Variants in SP100 observed in about 807,000 individuals in gnomAD.
SP100 encodes the protein SP100 nuclear body protein.
SP100 carries 84 observed loss-of-function variants against 130.0 expected under a neutral mutation model. The ratio of observed to expected loss-of-function variants is 0.65; its 90% CI spans 0.54 to 0.77. The LOEUF (loss-of-function observed/expected upper bound fraction) is 0.77. Among genes scored for constraint, SP100 ranks in the 30% least tolerant of loss-of-function variants. SP100 has a pLI of 0.00. For missense variants in SP100, 978 were observed against 1,052.2 expected, an observed-to-expected ratio of 0.93 and a Z score of 0.97; for synonymous variants, 331 against 351.7, an observed-to-expected ratio of 0.94 and a Z score of 0.66.
In SP100 at chr2:230,512,673, G is replaced by A. The variant is rs116928618; in HGVS notation, c.2094+1507G>A. ...GTGGAAGACAGTTTTTCCACAGACC[G>A]GGATGGGGTTGGGGGCAGGATGATT... On this transcript the variant is annotated intron_variant, in intron 24 of 28. Transcript: ENST00000340126. Among the ~76,000 whole-genome samples the A allele has an allele frequency of 1.7e-3, 253 of 152,226 alleles. 7 individuals are homozygous for A. The East Asian group carries it at 0.045, about 27-fold the overall frequency.
intron 19 of SP100, among the ~76,000 whole-genome samples, chr2:230,500,046 G>A (rs2066929911): frequency 2.0e-5 from 3 of 152,134 alleles, no homozygotes; most frequent in African/African-American, 7.2e-5. Flanking sequence ...ATTCTTGGAT[G>A]TTGAGGCTTC....
intron 2 of SP100, among the ~76,000 whole-genome samples, chr2:230,421,876 G>A (rs1403060925): frequency 1.3e-5 from 2 of 152,036 alleles, no homozygotes; most frequent in Non-Finnish European, 2.9e-5. Flanking sequence ...CCTTTCAAAT[G>A]GACAACTTTA....
intron 2 of SP100, among the ~76,000 whole-genome samples, chr2:230,437,421 C>A (rs1157690773): frequency 6.6e-6 from 1 of 152,050 alleles, no homozygotes; most frequent in African/African-American, 2.4e-5. Context: ...AATTTATTTT[C>A]TATATGAAGT....
At chr2:230,539,492 T>C (rs893247413) in intron 25 of SP100, 110 bp downstream of exon 25, 10 of 709,434 alleles carry the variant, frequency 1.4e-5, no homozygotes, top group African/African-American at 8.8e-5. Context: ...TGTTTCTTGA[T>C]GCATAAGGAG....
intron 2 of SP100, among the ~76,000 whole-genome samples, chr2:230,424,653 A>C (rs933042080): frequency 7.1e-6 from 1 of 141,162 alleles, no homozygotes; most frequent in African/African-American, 2.7e-5. Flanking sequence ...TGGGCAACAG[A>C]GTGAGACTCC....
At chr2:230,532,636 G>A (rs1023113928) in intron 24 of SP100, among the ~76,000 whole-genome samples, 3 of 152,046 alleles carry the variant, frequency 2.0e-5, no homozygotes, top group Non-Finnish European at 4.4e-5. Context: ...ATCCACAAGT[G>A]TTTCACTGGT....
chr2:230,481,448 C>T (rs765700928), intron 17 of SP100, among the ~76,000 whole-genome samples: 1 of 152,156 alleles, frequency 6.6e-6, no homozygotes, highest in South Asian at 2.1e-4. Flanking sequence ...GCTAACCCCT[C>T]GCACTCTCTC....
intron 19 of SP100, among the ~76,000 whole-genome samples, chr2:230,500,405 G>A (rs1012321037): frequency 2.0e-5 from 3 of 152,186 alleles, no homozygotes; most frequent in Admixed American, 6.5e-5. Flanking sequence ...GGGAAGCAGC[G>A]CAATGAGCTT....
intron 11 of SP100, among the ~76,000 whole-genome samples, chr2:230,464,795 T>C (rs975723708): frequency 1.3e-5 from 2 of 152,120 alleles, no homozygotes; most frequent in Admixed American, 1.3e-4. Flanking sequence ...GCTAGTGGTG[T>C]TTAAGAGTCA....
chr2:230,432,778 C>A (rs1407078022), intron 2 of SP100, among the ~76,000 whole-genome samples: 3 of 152,008 alleles, frequency 2.0e-5, no homozygotes, highest in African/African-American at 7.2e-5. Context: ...ATATTTTCTC[C>A]CAGACTGTGA....
At position 230,540,976 on chromosome 2, in the gene SP100, A is replaced by T. The variant is rs778033946; in HGVS notation, c.2311A>T (p.Met771Leu). ...HQESEVLMRQ[M>L]LPEEQLKCEF... ...GGAATCTGAAGTCCTGATGAGGCAG[A>T]TGCTGCCTGAGGAGCAGTTGGTGAG... The change falls in exon 26 of 29, where the codon ATG becomes TTG. Residue 771 changes from methionine to leucine, a missense_variant. Met to Leu is a conservative substitution (Grantham distance 15). Transcript: ENST00000340126. The T allele has an allele frequency of 7.4e-6, 12 of 1,612,796 alleles. No individual in the cohort carries two copies. The highest frequency in any genetic ancestry group is 1.1e-5 in the South Asian group (1 of 90,960).
intron 17 of SP100, among the ~76,000 whole-genome samples, chr2:230,485,496 G>T (rs1186478569): frequency 6.6e-6 from 1 of 152,018 alleles, no homozygotes; most frequent in South Asian, 2.1e-4. Flanking sequence ...ATCCTTTTCT[G>T]TTTTCTACAC....
intron 17 of SP100, among the ~76,000 whole-genome samples, chr2:230,480,569 A>G (rs1203110406): frequency 6.6e-6 from 1 of 152,062 alleles, no homozygotes; most frequent in African/African-American, 2.4e-5. Flanking sequence ...CCCTAGGAGG[A>G]CTGTACAGAT....
In SP100 at chr2:230,418,701, C is replaced by T. The variant is rs150595507; in HGVS notation, c.107+1036C>T. Among the ~76,000 whole-genome samples the T allele has an allele frequency of 5.0e-3, 766 of 151,972 alleles. 6 individuals are homozygous for T. Among genetic ancestry groups the T allele is most frequent in the African/African-American group, 0.017 (685 of 41,408 alleles). On this transcript the variant is annotated intron_variant, in intron 2 of 28. Transcript: ENST00000340126. ...TTCTTATCAATTTTTCTGAGTTCAC[C>T]GTTGATTGATTAAATTATCCTTTTC...
intron 8 of SP100, among the ~76,000 whole-genome samples, chr2:230,457,020 A>G (rs2064308341): frequency 6.6e-6 from 1 of 152,186 alleles, no homozygotes; most frequent in African/African-American, 2.4e-5. Flanking sequence ...TACATTTGAG[A>G]AAGTAGAAAC....
intron 17 of SP100, among the ~76,000 whole-genome samples, chr2:230,481,058 T>TG (rs1157001615): frequency 1.5e-4 from 23 of 151,760 alleles, no homozygotes; most frequent in Admixed American, 5.2e-4. Context: ...GTGGTGGTGG[T>TG]GTTGGTCCCT....
intron 26 of SP100, 64 bp from the exon 27 acceptor site, chr2:230,541,237 G>T (rs1692162469): frequency 3.4e-6 from 5 of 1,474,106 alleles, no homozygotes; most frequent in Non-Finnish European, 3.8e-6. Context: ...TTCTCTTTGG[G>T]CAAGCATATG....
At chr2:230,420,967 T>C (rs982815725) in intron 2 of SP100, among the ~76,000 whole-genome samples, 1 of 152,212 alleles carries the variant, frequency 6.6e-6, no homozygotes, top group African/African-American at 2.4e-5. Context: ...TGAAGACTTT[T>C]TCCATAACAC....
chr2:230,485,313 A>G (rs988744077), intron 17 of SP100, among the ~76,000 whole-genome samples: 1 of 151,970 alleles, frequency 6.6e-6, no homozygotes, highest in Non-Finnish European at 1.5e-5. Context: ...CTCATAGGCA[A>G]TGTTTTTTAT....
Sources: allele counts gnomAD v4.1 joint callset (sites outside exome capture counted in the v4.1 genomes callset), GRCh38; gene constraint gnomAD v4.1.1; transcripts MANE v1.5; gene names NCBI Gene and HGNC (gene_info 2026-07-23, HGNC 2026-07-21).